SHROOM2: variants seen among roughly 807,000 people sequenced by gnomAD.
SHROOM2 encodes the protein shroom family member 2.
SHROOM2 carries 33 observed loss-of-function variants against 75.9 expected under a neutral mutation model. The ratio of observed to expected loss-of-function variants is 0.43; its 90% CI spans 0.33 to 0.58. The LOEUF is 0.58. Among genes scored for constraint, SHROOM2 ranks in the 20% least tolerant of loss-of-function variants. The probability of loss-of-function intolerance (pLI) is 0.04; values close to 1 mark genes in which losing one functional copy is unlikely to be tolerated. For synonymous variants in SHROOM2, 655 were observed against 663.6 expected, an observed-to-expected ratio of 0.99 and a Z score of 0.20; for missense variants, 1,434 against 1,461.2, an observed-to-expected ratio of 0.98 and a Z score of 0.30.
chrX:9,848,832 A>G (rs1295138297), intron 1 of SHROOM2, among the ~76,000 whole-genome samples: 1 of 111,549 alleles, frequency 9.0e-6, no homozygotes, highest in Non-Finnish European at 1.9e-5. Context: ...GCTGAGAACC[A>G]GCTGGTGCCC....
Position 9,932,550 on chromosome X carries a change from C to T in SHROOM2, c.3267C>T (p.Val1089=). The T allele has an allele frequency of 8.3e-7, 1 of 1,211,469 alleles. No individual in the cohort carries two copies. Residue 1089 remains valine, a synonymous_variant, in exon 6 of 10, where the codon GTC becomes GTT. Transcript: ENST00000380913. ...CACCTGCTGACGCCCCCGTGGGCGT[C>T]CTCGGCAGGCCCTTCCCAACGCCAT... The part of the protein sequence containing the change: ...DGAPADAPVG[V]LGRPFPTPSP...
intron 6 of SHROOM2, among the ~76,000 whole-genome samples, chrX:9,936,879 A>G (rs1224926764): frequency 1.8e-5 from 2 of 111,806 alleles, no homozygotes; most frequent in African/African-American, 3.3e-5. Context: ...ACACCTTGGG[A>G]TGCCTCAGGG....
At chrX:9,841,250 C>G (rs1294532372) in intron 1 of SHROOM2, among the ~76,000 whole-genome samples, 1 of 55,683 alleles carries the variant, frequency 1.8e-5, no homozygotes, top group Non-Finnish European at 3.4e-5. Context: ...GCCACTGTGC[C>G]TGGCCATTTT....
intron 1 of SHROOM2, among the ~76,000 whole-genome samples, chrX:9,791,378 T>A (rs965596483): frequency 8.9e-6 from 1 of 111,764 alleles, no homozygotes; most frequent in Non-Finnish European, 1.9e-5. Flanking sequence ...TGTATCAGCA[T>A]GCAAATAAAC....
At chrX:9,939,820 T>C (rs183075501) in intron 8 of SHROOM2, among the ~76,000 whole-genome samples, 4 of 111,671 alleles carry the variant, frequency 3.6e-5, no homozygotes, top group Non-Finnish European at 7.5e-5. Context: ...AGAGTCTCCC[T>C]CTGTCACCCA....
intron 5 of SHROOM2, among the ~76,000 whole-genome samples, chrX:9,904,617 C>T (rs1052542077): frequency 8.9e-6 from 1 of 112,505 alleles, no homozygotes; most frequent in Non-Finnish European, 1.9e-5. Flanking sequence ...CCTCTGGCCT[C>T]CTTTCTTGTC....
At chrX:9,861,842 G>T (rs1026796264) in intron 1 of SHROOM2, among the ~76,000 whole-genome samples, 2 of 111,143 alleles carry the variant, frequency 1.8e-5, no homozygotes, top group African/African-American at 6.5e-5. Flanking sequence ...GAAACGCTCC[G>T]TGCCCCCACC....
At chrX:9,914,640 A>G (rs1432646991) in intron 5 of SHROOM2, among the ~76,000 whole-genome samples, 1 of 111,309 alleles carries the variant, frequency 9.0e-6, no homozygotes, top group Non-Finnish European at 1.9e-5. Context: ...TTACCTTTAA[A>G]ACATATTTGC....
chrX:9,828,580 T>C (rs2083900016), intron 1 of SHROOM2, among the ~76,000 whole-genome samples: 1 of 111,137 alleles, frequency 9.0e-6, no homozygotes. Context: ...CTCTCCCACC[T>C]GAGCCTCCCG....
rs58508176 is a variant in SHROOM2 at position 9,799,157 on chromosome X, C to CTTTTTT, written c.165+12470_165+12475dup. On this transcript the variant is annotated intron_variant, in intron 1 of 9. Coordinates refer to ENST00000380913, the MANE Select transcript of SHROOM2 (RefSeq NM_001649.4). ...GTTTGCCTTTACGGAGAGTTTAATT[C>CTTTTTT]TTTTTTTTTTTTTTTTTTTTTTTTT... Among the ~76,000 whole-genome samples the CTTTTTT allele has an allele frequency of 1.2e-3, 72 of 61,373 alleles. 14 individuals carry two copies. The highest frequency in any genetic ancestry group is 4.7e-3 in the African/African-American group (53 of 11,340). The allele number at this position is 61,373 out of a possible 115,157, so 53.3% of individuals were successfully genotyped here.
intron 5 of SHROOM2, among the ~76,000 whole-genome samples, chrX:9,910,687 TGC>T (rs1338895851): frequency 1.8e-5 from 2 of 109,827 alleles, no homozygotes; most frequent in African/African-American, 6.6e-5. Context: ...CATGGTGGCG[TGC>T]ACCTGTAATC....
At chrX:9,848,640 G>A (rs2084021378) in intron 1 of SHROOM2, among the ~76,000 whole-genome samples, 1 of 110,461 alleles carries the variant, frequency 9.1e-6, no homozygotes, top group African/African-American at 3.3e-5. Context: ...TTTATCATGT[G>A]CTGATTTATG....
chrX:9,913,448 CTTTTTCCCCCA>C (rs1042093436), intron 5 of SHROOM2, among the ~76,000 whole-genome samples: 1 of 112,344 alleles, frequency 8.9e-6, no homozygotes, highest in Non-Finnish European at 1.9e-5. Context: ...TATACATGTG[CTTTTTCCCCCA>C]TTTTATGTTG....
intron 5 of SHROOM2, among the ~76,000 whole-genome samples, chrX:9,914,411 T>A (rs1439409335): frequency 1.8e-5 from 2 of 109,832 alleles, no homozygotes; most frequent in Non-Finnish European, 3.8e-5. Context: ...TTACACTACC[T>A]TTAATTTTTT....
intron 5 of SHROOM2, among the ~76,000 whole-genome samples, chrX:9,899,169 C>T (rs1249672191): frequency 3.7e-5 from 4 of 109,544 alleles, no homozygotes; most frequent in African/African-American, 1.0e-4. Flanking sequence ...CGTTCAAGCA[C>T]GAGAATCGCT....
rs975941005 is a variant in SHROOM2 at position 9,946,783 on chromosome X, A to G, written c.4697A>G (p.Tyr1566Cys). ...ATCGTCTTTGACATTTTGGCCAACT[A>G]TCTGAGCGAGGAGAGCCTCGCGGAC... ...ERIVFDILAN[Y>C]LSEESLADYE... The change falls in exon 10 of 10, where the codon TAT becomes TGT. Residue 1566 changes from tyrosine to cysteine, a missense_variant. Tyr to Cys is a radical substitution (Grantham distance 194, BLOSUM62 -2). Transcript: ENST00000380913. 6.6e-6 allele frequency: 8 copies of G among 1,203,963 alleles called. No homozygotes were observed. Among genetic ancestry groups the G allele is most frequent in the African/African-American group, 5.2e-5 (3 of 57,435 alleles).
At chrX:9,912,766 G>A (rs2084441792) in intron 5 of SHROOM2, 1 of 112,103 alleles carries the variant, frequency 8.9e-6, no homozygotes, top group African/African-American at 3.2e-5. Context: ...GGTAAGGTCT[G>A]GTGAGGTCGG....
chrX:9,840,032 A>AG (rs2083971504), intron 1 of SHROOM2, among the ~76,000 whole-genome samples: 1 of 111,818 alleles, frequency 8.9e-6, no homozygotes, highest in Non-Finnish European at 1.9e-5. Context: ...CAGGTGATGA[A>AG]GGGCTGTGCT....
chrX:9,833,400 A>G (rs767559318), intron 1 of SHROOM2, among the ~76,000 whole-genome samples: 7 of 111,785 alleles, frequency 6.3e-5, no homozygotes, highest in Non-Finnish European at 1.3e-4. Context: ...CTAGGTCATC[A>G]TGAAGAAAAT....
Sources: gnomAD v4.1 joint callset for allele counts (sites outside exome capture counted in the v4.1 genomes callset) on GRCh38, gnomAD v4.1.1 for gene constraint, MANE v1.5 for transcripts, NCBI Gene and HGNC (gene_info 2026-07-23, HGNC 2026-07-21) for gene names.